Variants in INVS observed in about 807,000 individuals in gnomAD.
INVS encodes inversion of embryo turning homolog.
INVS carries 86 observed loss-of-function variants against 108.8 expected under a neutral mutation model. The ratio of observed to expected loss-of-function variants is 0.79; its 90% CI spans 0.66 to 0.95. The LOEUF (loss-of-function observed/expected upper bound fraction) is 0.95. Ranked by LOEUF, INVS falls within the 40% of genes least tolerant of loss-of-function variation. INVS has a pLI of 0.00. For missense variants in INVS, 1,169 were observed against 1,297.4 expected, an observed-to-expected ratio of 0.90 and a Z score of 1.52; for synonymous variants, 455 against 473.5, an observed-to-expected ratio of 0.96 and a Z score of 0.51.
Position 100,104,637 on chromosome 9 carries a change from C to T in INVS, c.106+10C>T, listed in dbSNP as rs1242538548. Reference sequence around the variant, plus strand: ...CAGAGGCTCATCGTAGGTAAGCAGTCCCCTTAAGTACAGAAACTTTAAAAG... The same window carrying T: ...CAGAGGCTCATCGTAGGTAAGCAGTTCCCTTAAGTACAGAAACTTTAAAAG... On this transcript the variant is annotated intron_variant, in intron 2 of 16. Coordinates refer to ENST00000262457, the MANE Select transcript of INVS (RefSeq NM_014425.5). 6.3e-7 allele frequency: 1 copy of T among 1,577,554 alleles called. No individual in the cohort carries two copies. Among genetic ancestry groups the T allele is most frequent in the South Asian group, 1.1e-5 (1 of 90,336 alleles).
At chr9:100,296,833 C>A in intron 14 of INVS, 84 bp from the exon 15 acceptor site, 1 of 1,075,744 alleles carries the variant, frequency 9.3e-7, no homozygotes, top group Non-Finnish European at 1.4e-6. Context: ...AAATACTACT[C>A]CTATAGCTTC....
At chr9:100,263,739 T>C (rs1197819302) in intron 10 of INVS, among the ~76,000 whole-genome samples, 2 of 152,046 alleles carry the variant, frequency 1.3e-5, no homozygotes, top group Non-Finnish European at 2.9e-5. Flanking sequence ...GAGTGCATTA[T>C]TTTTTTTGGA....
chr9:100,201,039 G>T (rs956551160), intron 3 of INVS, among the ~76,000 whole-genome samples: 1 of 152,200 alleles, frequency 6.6e-6, no homozygotes, highest in East Asian at 1.9e-4. Flanking sequence ...CAGCTGCTAG[G>T]CTGGCTTGCC....
chr9:100,143,031 A>G (rs1264625183), intron 3 of INVS, among the ~76,000 whole-genome samples: 1 of 152,150 alleles, frequency 6.6e-6, no homozygotes, highest in Non-Finnish European at 1.5e-5. Context: ...TTTGGGCTTG[A>G]CTGAAGTAAT....
At chr9:100,191,963 A>G (rs1392560055) in intron 3 of INVS, among the ~76,000 whole-genome samples, 7 of 152,112 alleles carry the variant, frequency 4.6e-5, no homozygotes, top group African/African-American at 7.2e-5. Flanking sequence ...TTCCTTGGTT[A>G]TAGAGAATCT....
Position 100,292,852 on chromosome 9 carries a change from T to G in INVS, c.2595T>G (p.Ser865=), listed in dbSNP as rs1471067449. ...LRSGARRLET[S]TLSEDFQVSK... is the part of the protein sequence containing the mutation. ...CAGGAGCTAGGAGGCTGGAGACATC[T>G]ACCCTGTCCGAGGACTTTCAGGTAT... The change falls in exon 14 of 17, where the codon TCT becomes TCG. Residue 865 remains serine (S), a synonymous_variant. Coordinates refer to ENST00000262457, the MANE Select transcript of INVS (RefSeq NM_014425.5). 2 of 1,614,202 alleles carry G rather than the reference T, an allele frequency of 1.2e-6. No homozygotes were observed.
intron 3 of INVS, among the ~76,000 whole-genome samples, chr9:100,161,703 G>A (rs533615950): frequency 6.6e-6 from 1 of 152,246 alleles, no homozygotes; most frequent in South Asian, 2.1e-4. Flanking sequence ...GGATTGGATT[G>A]CAGGAGCAAG....
intron 2 of INVS, among the ~76,000 whole-genome samples, chr9:100,119,621 A>G (rs1484903954): frequency 6.6e-6 from 1 of 152,130 alleles, no homozygotes; most frequent in Non-Finnish European, 1.5e-5. Flanking sequence ...CAGTGGTGCA[A>G]TCTCAGCTTC....
At chr9:100,264,075 T>C (rs1285866663) in intron 10 of INVS, among the ~76,000 whole-genome samples, 2 of 152,216 alleles carry the variant, frequency 1.3e-5, no homozygotes, top group East Asian at 3.9e-4. Context: ...ATCTTCCTTT[T>C]TGACTCCTTT....
intron 10 of INVS, among the ~76,000 whole-genome samples, chr9:100,264,233 T>C (rs1212462293): frequency 6.6e-6 from 1 of 152,218 alleles, no homozygotes; most frequent in Non-Finnish European, 1.5e-5. Context: ...CATAATTAGA[T>C]TCAGGTTTCA....
At position 100,206,468 on chromosome 9, in the gene INVS, C is replaced by T. The variant is rs150811553; in HGVS notation, c.274-19594C>T. ...TATACTCTCAAATTCCTCAAATGTG[C>T]ACATTTTGACACGTGTGCTTTATCC... is the stretch of plus-strand genomic sequence containing the variant. On this transcript the variant is annotated intron_variant, in intron 3 of 16. Coordinates refer to ENST00000262457, the MANE Select transcript of INVS (RefSeq NM_014425.5). Among the ~76,000 whole-genome samples, 30 of 152,018 alleles carry T rather than the reference C, an allele frequency of 2.0e-4. No homozygotes were observed. The East Asian group carries it at 5.2e-3, about 26-fold the overall frequency.
At chr9:100,141,289 G>A (rs1052440801) in intron 3 of INVS, among the ~76,000 whole-genome samples, 1 of 152,158 alleles carries the variant, frequency 6.6e-6, no homozygotes, top group Admixed American at 6.5e-5. Context: ...TTCTGAGAAG[G>A]GAAAGTGGTA....
chr9:100,250,981 C>A (rs1482119073), intron 8 of INVS, among the ~76,000 whole-genome samples: 2 of 151,938 alleles, frequency 1.3e-5, no homozygotes, highest in Non-Finnish European at 2.9e-5. Context: ...TGTACTAACT[C>A]TTCCCTTTGC....
chr9:100,280,905 T>C (rs1833254016), intron 12 of INVS, among the ~76,000 whole-genome samples: 2 of 152,112 alleles, frequency 1.3e-5, no homozygotes, highest in African/African-American at 4.8e-5. Flanking sequence ...CTGGGCAACA[T>C]AGGGAGACCT....
intron 3 of INVS, among the ~76,000 whole-genome samples, chr9:100,185,516 A>ATATATATAT (rs1224840527): frequency 7.2e-5 from 8 of 110,856 alleles, no homozygotes; most frequent in Admixed American, 1.2e-4. Flanking sequence ...TATGCATAGA[A>ATATATATAT]ATATATATAT....
chr9:100,299,559 CA>C, intron 16 of INVS, among the ~76,000 whole-genome samples: 1 of 35,894 alleles, frequency 2.8e-5, no homozygotes. Context: ...ACACACAACA[CA>C]CACACACACA....
intron 3 of INVS, among the ~76,000 whole-genome samples, chr9:100,160,795 G>C (rs2119009300): frequency 6.6e-6 from 1 of 151,968 alleles, no homozygotes; most frequent in Non-Finnish European, 1.5e-5. Flanking sequence ...CACATCAAAG[G>C]CTGATCAAAG....
intron 5 of INVS, among the ~76,000 whole-genome samples, chr9:100,232,832 T>C (rs1357899018): frequency 1.3e-5 from 2 of 152,190 alleles, no homozygotes; most frequent in Admixed American, 1.3e-4. Flanking sequence ...GTCTTGGCTA[T>C]ACAGGCTCTT....
intron 16 of INVS, among the ~76,000 whole-genome samples, chr9:100,300,156 A>G (rs916772263): frequency 1.3e-5 from 2 of 152,232 alleles, no homozygotes; most frequent in African/African-American, 4.8e-5. Flanking sequence ...CCATCAGCTT[A>G]TCATTCATGA....
Sources: allele counts gnomAD v4.1 joint callset (sites outside exome capture counted in the v4.1 genomes callset), GRCh38; gene constraint gnomAD v4.1.1; transcripts MANE v1.5; gene names NCBI Gene and HGNC (gene_info 2026-07-23, HGNC 2026-07-21).